FXN: variants seen among roughly 807,000 people sequenced by gnomAD.
FXN encodes the protein frataxin, also known as frataxin, mitochondrial.
A neutral mutation model predicts 22.4 loss-of-function variants in FXN; 14 were observed. The observed-to-expected ratio is 0.62, with a 90% confidence interval of 0.41 to 0.98. FXN has a LOEUF of 0.98. Ranked by LOEUF, FXN falls within the 50% of genes least tolerant of loss-of-function variation. The pLI is 0.00. For missense variants in FXN, 267 were observed against 268.4 expected (o/e 0.99, Z 0.04); for synonymous variants, 120 against 114.1 (o/e 1.05, Z -0.33).
rs1007351002 is a variant in FXN, at chr9:69,075,203, A to T, written c.*2441A>T. The T allele has an allele frequency of 1.0e-6, 1 of 974,758 alleles. No homozygotes were observed. Among genetic ancestry groups the T allele is most frequent in the Non-Finnish European group, 1.2e-6 (1 of 820,456 alleles). The allele number at this position is 974,758 out of a possible 1,614,324, so 60.4% of individuals were successfully genotyped here. ...CCTGGCACAGTGGCTCATGCCTGTA[A>T]TCCCAGCACTTTGGGAGGCTGAGGC... On this transcript the variant is annotated 3_prime_UTR_variant, in exon 5 of 5. Coordinates refer to ENST00000484259, the MANE Select transcript of FXN (RefSeq NM_000144.5).
Position 69,075,121 on chromosome 9 carries a change from TTTGA to T in FXN, c.*2362_*2365del. ...TCATTTTACATATAGCTCTAATTGGTTTGATTATCTCGTTCCCAAGGCAGTGGGA... is the reference window on the plus strand; with the variant it reads ...TCATTTTACATATAGCTCTAATTGGTTTATCTCGTTCCCAAGGCAGTGGGA... On this transcript the variant is annotated 3_prime_UTR_variant, in exon 5 of 5. Coordinates refer to ENST00000484259, the MANE Select transcript of FXN (RefSeq NM_000144.5). 1 of 985,364 alleles carries T rather than the reference TTTGA, an allele frequency of 1.0e-6. No homozygotes were observed. The allele number at this position is 985,364 out of a possible 1,614,324, so 61.0% of individuals were successfully genotyped here.
intron 2 of FXN, among the ~76,000 whole-genome samples, chr9:69,048,130 G>A (rs1180271208): frequency 1.3e-5 from 2 of 152,176 alleles, no homozygotes. Flanking sequence ...CCGTGGATGG[G>A]AGTCTCAGGC....
In FXN at chr9:69,078,522, CCTAAG is replaced by C. The variant is rs1274937557; in HGVS notation, c.*5762_*5766del. ...GAAAGGCAATCTCTTGTCTGTAAAA[CCTAAG>C]CAGGACCAAGGCCAAGTTTCTTAGC... On this transcript the variant is annotated 3_prime_UTR_variant, in exon 5 of 5. Coordinates refer to ENST00000484259, the MANE Select transcript of FXN (RefSeq NM_000144.5). 1 of 985,416 alleles carries C rather than the reference CCTAAG, an allele frequency of 1.0e-6. No homozygotes were observed. Among genetic ancestry groups the C allele is most frequent in the East Asian group, 1.1e-4 (1 of 8,836 alleles). 61.0% of individuals were successfully genotyped at this position (985,416 alleles called of 1,614,324 possible). A position where few individuals can be genotyped will look rare whatever the true frequency, so the allele number is the denominator to read the frequency against.
chr9:69,066,869 A>AT (rs71354305), intron 4 of FXN, among the ~76,000 whole-genome samples: 8,209 of 144,712 alleles, frequency 0.057, 437 homozygotes, highest in African/African-American at 0.14. Context: ...AAAAAAAAAA[A>AT]ATATATATAT....
chr9:69,064,937 G>A lies in FXN; in HGVS notation c.385-1G>A. On this transcript the variant is annotated splice_acceptor_variant, in intron 3 of 4. Transcript: ENST00000484259. LOFTEE classifies it high-confidence loss of function. Reference sequence around the variant, plus strand: ...TGCTTTTTTTCCACCTAATCCCCTAGAGTGGTGTCTTAACTGTCAAACTGG... The same window carrying A: ...TGCTTTTTTTCCACCTAATCCCCTAAAGTGGTGTCTTAACTGTCAAACTGG... 1 of 1,597,578 alleles carries A rather than the reference G, an allele frequency of 6.3e-7. No homozygotes were observed.
At chr9:69,071,177 A>T (rs1344307000) in intron 4 of FXN, 8 of 518,922 alleles carry the variant, frequency 1.5e-5, no homozygotes, top group Admixed American at 1.4e-4. Flanking sequence ...TGGCAACCCG[A>T]TAGCAGTATC....
At chr9:69,057,773 C>T (rs1389312478) in intron 3 of FXN, among the ~76,000 whole-genome samples, 1 of 151,940 alleles carries the variant, frequency 6.6e-6, no homozygotes, top group Non-Finnish European at 1.5e-5. Context: ...TGAAGCCTTC[C>T]TAGATACTCC....
intron 4 of FXN, among the ~76,000 whole-genome samples, chr9:69,070,416 G>T (rs1362483075): frequency 6.6e-6 from 1 of 152,186 alleles, no homozygotes; most frequent in Non-Finnish European, 1.5e-5. Flanking sequence ...GCTGACAGGG[G>T]CTCAGAAGTG....
At chr9:69,037,284 A>AAGAAGAAGAAGAAGAAG (rs71353102) in intron 1 of FXN, among the ~76,000 whole-genome samples, 1 of 78,060 alleles carries the variant, frequency 1.3e-5, no homozygotes, top group African/African-American at 4.7e-5. Context: ...AAAAAAAAAA[A>AAGAAGAAGAAGAAGAAG]AAGAAGAAGA....
chr9:69,066,677 G>T (rs991606956), intron 4 of FXN, among the ~76,000 whole-genome samples: 1 of 152,036 alleles, frequency 6.6e-6, no homozygotes, highest in Admixed American at 6.6e-5. Flanking sequence ...GGGATCAGTG[G>T]CTTTGTAGAT....
At chr9:69,054,280 G>A (rs571094933) in intron 3 of FXN, among the ~76,000 whole-genome samples, 8 of 152,302 alleles carry the variant, frequency 5.3e-5, no homozygotes, top group East Asian at 1.9e-4. Flanking sequence ...GATAACAGGC[G>A]TGAGCCACCA....
In FXN at chr9:69,073,568, A is replaced by G; in HGVS notation, c.*806A>G. On this transcript the variant is annotated 3_prime_UTR_variant, in exon 5 of 5. Coordinates refer to ENST00000484259, the MANE Select transcript of FXN (RefSeq NM_000144.5). ...GGAGCTGAGGAGGTGCCTTGTAAAC[A>G]TGAAGGGGCAGATAAAGGAAGGAGA... 1 of 985,466 alleles carries G rather than the reference A, an allele frequency of 1.0e-6. No individual in the cohort carries two copies. 61.0% of individuals were successfully genotyped at this position (985,466 alleles called of 1,614,324 possible).
chr9:69,071,641 T>G (rs7861997), intron 4 of FXN, among the ~76,000 whole-genome samples: 63,828 of 152,176 alleles, frequency 0.42, 13,619 homozygotes, highest in East Asian at 0.56. Flanking sequence ...CATTATTCAC[T>G]GGATGAGCTT....
In FXN at chr9:69,072,700, A is replaced by T. The variant is rs200532520; in HGVS notation, c.571A>T (p.Thr191Ser). The T allele has an allele frequency of 6.2e-7, 1 of 1,614,184 alleles. No homozygotes were observed. The highest frequency in any genetic ancestry group is 1.3e-5 in the African/African-American group (1 of 75,036). Residue 191 changes from threonine to serine, a missense_variant, in exon 5 of 5, where the codon ACT (threonine) becomes TCT (serine). Transcript: ENST00000484259. The stretch of plus-strand genomic sequence containing the variant: ...CCATGAGCTGCTGGCCGCAGAGCTC[A>T]CTAAAGCCTTAAAAACCAAACTGGA... ...SLHELLAAELTKALKTKLDLS... is the reference protein window; with the variant it reads ...SLHELLAAELSKALKTKLDLS...
At chr9:69,047,309 GCTT>G (rs1408154627) in intron 2 of FXN, among the ~76,000 whole-genome samples, 1 of 151,198 alleles carries the variant, frequency 6.6e-6, no homozygotes, top group Non-Finnish European at 1.5e-5. Context: ...TTTAGGAATG[GCTT>G]CTTCTGATCT....
At chr9:69,067,822 A>T (rs1832199147) in intron 4 of FXN, among the ~76,000 whole-genome samples, 1 of 152,056 alleles carries the variant, frequency 6.6e-6, no homozygotes, top group Non-Finnish European at 1.5e-5. Flanking sequence ...AGGTCTCTGT[A>T]TTGGAGGGGC....
At position 69,077,750 on chromosome 9, in the gene FXN, T is replaced by A; in HGVS notation, c.*4988T>A. The A allele has an allele frequency of 1.4e-6, 1 of 705,324 alleles. No individual in the cohort carries two copies. Among genetic ancestry groups the A allele is most frequent in the Non-Finnish European group, 1.7e-6 (1 of 574,376 alleles). The allele number at this position is 705,324 out of a possible 1,614,324, so 43.7% of individuals were successfully genotyped here. ...TTCGAGGCCAGCCTGGTCAACATGGTAAAACCCCGCCTCTACTAAAAATAC... is the reference window on the plus strand; with the variant it reads ...TTCGAGGCCAGCCTGGTCAACATGGAAAAACCCCGCCTCTACTAAAAATAC... On this transcript the variant is annotated 3_prime_UTR_variant, in exon 5 of 5. Coordinates refer to ENST00000484259, the MANE Select transcript of FXN (RefSeq NM_000144.5).
chr9:69,073,089 C>T lies in FXN; in HGVS notation c.*327C>T, dbSNP rs1832303382. 8.5e-7 allele frequency: 1 copy of T among 1,182,506 alleles called. No individual in the cohort carries two copies. The highest frequency in any genetic ancestry group is 1.1e-6 in the Non-Finnish European group (1 of 950,300). The allele number at this position is 1,182,506 out of a possible 1,614,324, so 73.3% of individuals were successfully genotyped here. A position where few individuals can be genotyped will look rare whatever the true frequency, so the allele number is the denominator to read the frequency against. ...AGCAAAATAATAAGAAGGAAAAATT[C>T]CAGGAGGGAAAATGAATTGTCTTCA... is the stretch of plus-strand genomic sequence containing the variant. On this transcript the variant is annotated 3_prime_UTR_variant, in exon 5 of 5. Coordinates refer to ENST00000484259, the MANE Select transcript of FXN (RefSeq NM_000144.5).
rs4744795 is a variant in FXN at position 69,053,511 on chromosome 9, A to G, written c.384+251A>G. Among the ~76,000 whole-genome samples, 42,047 of 133,496 alleles carry G rather than the reference A, an allele frequency of 0.31. 6,660 individuals are homozygous for G. Among genetic ancestry groups the G allele is most frequent in the South Asian group, 0.37 (1,371 of 3,702 alleles). 87.6% of individuals were successfully genotyped at this position (133,496 alleles called of 152,430 possible). A position where few individuals can be genotyped will look rare whatever the true frequency, so the allele number is the denominator to read the frequency against. On this transcript the variant is annotated intron_variant, in intron 3 of 4. Transcript: ENST00000484259. ...TGGATGGATGGATGGATGGATGGAT[A>G]GATAGATAGATAGATAGATAGATAG...
Sources: gnomAD v4.1 joint callset for allele counts (sites outside exome capture counted in the v4.1 genomes callset) on GRCh38, gnomAD v4.1.1 for gene constraint, MANE v1.5 for transcripts, NCBI Gene and HGNC (gene_info 2026-07-23, HGNC 2026-07-21) for gene names.